DENND5B: variants seen among roughly 807,000 people sequenced by gnomAD.
The protein encoded by DENND5B is DENN domain containing 5B, also known as DENN domain-containing protein 5B.
A neutral mutation model predicts 140.6 loss-of-function variants in DENND5B; 34 were observed. The ratio of observed to expected loss-of-function variants is 0.24; its 90% CI spans 0.18 to 0.32. DENND5B has a LOEUF of 0.32. Ranked by LOEUF, DENND5B falls within the 10% of genes least tolerant of loss-of-function variation. The probability of loss-of-function intolerance (pLI) is 1.00; values close to 1 mark genes in which losing one functional copy is unlikely to be tolerated. For synonymous variants in DENND5B, 551 were observed against 562.1 expected, an observed-to-expected ratio of 0.98 and a Z score of 0.28; for missense variants, 1,142 against 1,560.2, an observed-to-expected ratio of 0.73 and a Z score of 4.52.
At chr12:31,568,220 G>A (rs571889949) in intron 1 of DENND5B, among the ~76,000 whole-genome samples, 3 of 152,338 alleles carry the variant, frequency 2.0e-5, no homozygotes, top group South Asian at 4.1e-4. Context: ...CAGGCTACAT[G>A]AATAAGGTAC....
At chr12:31,508,998 T>G (rs943591165) in intron 1 of DENND5B, among the ~76,000 whole-genome samples, 2 of 152,072 alleles carry the variant, frequency 1.3e-5, no homozygotes, top group African/African-American at 4.8e-5. Flanking sequence ...TCTGCAAAAT[T>G]AACATAAAAC....
rs1019834946 is a variant in DENND5B, at chr12:31,472,017, T to C, written c.904+7572A>G. ...CAAAAGCCACGCAGGACTGGCTTTATGATAATCGGGATATTCACCCGCTGA... is the reference window on the plus strand; with the variant it reads ...CAAAAGCCACGCAGGACTGGCTTTACGATAATCGGGATATTCACCCGCTGA... On this transcript the variant is annotated intron_variant, in intron 3 of 20. Coordinates refer to ENST00000389082, the MANE Select transcript of DENND5B (RefSeq NM_144973.4). Among the ~76,000 whole-genome samples, 4 of 152,276 alleles carry C rather than the reference T, an allele frequency of 2.6e-5. No individual in the cohort carries two copies. The East Asian group carries it at 7.7e-4, about 29-fold the overall frequency.
In DENND5B at chr12:31,451,923, A is replaced by C. The variant is rs191727932; in HGVS notation, c.1629+17T>G. 1.8e-3 allele frequency: 2,850 copies of C among 1,611,998 alleles called. 6 individuals carry two copies. The highest frequency in any genetic ancestry group is 3.5e-3 in the Admixed American group (211 of 59,538). On this transcript the variant is annotated intron_variant, in intron 5 of 20. Transcript: ENST00000389082. The stretch of plus-strand genomic sequence containing the variant: ...AGCCACTAATAACCACAAAAGGAAA[A>C]CTATGGTTCTTTTTACTTTGTCAAA...
chr12:31,431,757 A>G (rs1372036925), intron 8 of DENND5B, among the ~76,000 whole-genome samples: 1 of 152,136 alleles, frequency 6.6e-6, no homozygotes, highest in East Asian at 1.9e-4. Context: ...CTTTGAAGTA[A>G]GGCAATTTGC....
intron 3 of DENND5B, among the ~76,000 whole-genome samples, chr12:31,475,505 T>C (rs188452695): frequency 2.0e-5 from 3 of 152,290 alleles, no homozygotes; most frequent in African/African-American, 7.2e-5. Context: ...CCCTACACTT[T>C]GGGAAGCTGA....
At chr12:31,458,969 T>C (rs1433201793) in intron 4 of DENND5B, among the ~76,000 whole-genome samples, 2 of 152,128 alleles carry the variant, frequency 1.3e-5, no homozygotes, top group African/African-American at 4.8e-5. Flanking sequence ...TCCCAGCATT[T>C]TGGGAGGCCG....
intron 1 of DENND5B, among the ~76,000 whole-genome samples, chr12:31,584,574 G>A (rs945273605): frequency 6.6e-6 from 1 of 152,152 alleles, no homozygotes; most frequent in African/African-American, 2.4e-5. Context: ...AGCACTTTGG[G>A]AGGCCAAGGA....
chr12:31,586,747 C>G (rs142855247), intron 1 of DENND5B, among the ~76,000 whole-genome samples: 8 of 152,228 alleles, frequency 5.3e-5, no homozygotes, highest in African/African-American at 1.4e-4. Flanking sequence ...GTCTATGAAG[C>G]AACTGGTAGA....
At chr12:31,402,910 C>G (rs7966566) in intron 14 of DENND5B, among the ~76,000 whole-genome samples, 28 of 151,994 alleles carry the variant, frequency 1.8e-4, no homozygotes, top group African/African-American at 6.5e-4. Context: ...CAACATTAAA[C>G]GTATGAACAA....
intron 13 of DENND5B, among the ~76,000 whole-genome samples, chr12:31,410,464 G>A (rs1344451399): frequency 1.3e-5 from 2 of 152,144 alleles, no homozygotes; most frequent in African/African-American, 2.4e-5. Flanking sequence ...GGAGTGCAGC[G>A]ATGCAGTAAC....
At position 31,409,340 on chromosome 12, in the gene DENND5B, C is replaced by T. The variant is rs1239250070; in HGVS notation, c.2726G>A (p.Arg909Lys). The change falls in exon 14 of 21, where the codon AGA becomes AAA. Residue 909 changes from arginine to lysine, a missense_variant. Physicochemically the swap from Arg to Lys is conservative, Grantham distance 26 (BLOSUM62 2). Around this residue, in one of 5 missense-constraint regions of DENND5B, gnomAD observed 268 missense variants for 349.2 expected, o/e 0.77. Coordinates refer to ENST00000389082, the MANE Select transcript of DENND5B (RefSeq NM_144973.4). ...AAGAAGGTGGTAAAGAAACTGCTCT[C>T]TTTCTTCTTCGCAACGTAGAAAAGC... is the stretch of plus-strand genomic sequence containing the variant. ...RYAFLRCEEE[R>K]EQFLYHLLSL... is the part of the protein sequence containing the mutation. The T allele has an allele frequency of 1.3e-6, 2 of 1,562,852 alleles. No homozygotes were observed. Among genetic ancestry groups the T allele is most frequent in the East Asian group, 2.4e-5 (1 of 42,426 alleles).
chr12:31,384,041 A>G lies in DENND5B; in HGVS notation c.*3562T>C, dbSNP rs1022222099. 1 of 152,226 alleles carries G rather than the reference A, an allele frequency of 6.6e-6. No individual in the cohort carries two copies. The highest frequency in any genetic ancestry group is 1.5e-5 in the Non-Finnish European group (1 of 68,044). The allele number at this position is 152,226 out of a possible 1,614,324, so 9.4% of individuals were successfully genotyped here. ...CAATGTATTAATTTAAAAAATTACC[A>G]CAGCAGAAAAGATGCCTCTATGTGG... On this transcript the variant is annotated 3_prime_UTR_variant, in exon 21 of 21. Coordinates refer to ENST00000389082, the MANE Select transcript of DENND5B (RefSeq NM_144973.4).
chr12:31,416,280 A>T (rs2137605371), intron 11 of DENND5B, among the ~76,000 whole-genome samples: 1 of 151,554 alleles, frequency 6.6e-6, no homozygotes, highest in Admixed American at 6.6e-5. Context: ...TTTTTTAAAT[A>T]TAGTCTTGCT....
chr12:31,507,143 G>C (rs1265814013), intron 1 of DENND5B, among the ~76,000 whole-genome samples: 1 of 151,930 alleles, frequency 6.6e-6, no homozygotes, highest in Non-Finnish European at 1.5e-5. Flanking sequence ...CCAAGGGTTT[G>C]AGAAGTTCAG....
At chr12:31,512,322 CCCTCCCACCTCAG>C (rs2138925676) in intron 1 of DENND5B, among the ~76,000 whole-genome samples, 1 of 150,544 alleles carries the variant, frequency 6.6e-6, no homozygotes, top group East Asian at 2.0e-4. Flanking sequence ...TGTCAAGCGA[CCCTCCCACCTCAG>C]CCTCCAGAGT....
At chr12:31,513,312 G>T (rs1033646426) in intron 1 of DENND5B, among the ~76,000 whole-genome samples, 6 of 152,132 alleles carry the variant, frequency 3.9e-5, no homozygotes, top group Non-Finnish European at 8.8e-5. Flanking sequence ...CCACAGAAAA[G>T]TTCTTTTTTC....
intron 1 of DENND5B, 36 bp downstream of exon 1, chr12:31,590,668 CCT>C: frequency 1.4e-6 from 2 of 1,440,306 alleles, no homozygotes; most frequent in African/African-American, 1.5e-5. Context: ...CCCCCGCGCC[CCT>C]GAGGGGGCTC....
chr12:31,470,017 TGGCTCACTGCAGCCTCTAACTCCTG>T (rs537988176), intron 3 of DENND5B, among the ~76,000 whole-genome samples: 2 of 151,852 alleles, frequency 1.3e-5, no homozygotes, highest in East Asian at 3.9e-4. Context: ...GACATAATAA[TGGCTCACTGCAGCCTCTAACTCCTG>T]GGCTCAGGTG....
intron 1 of DENND5B, among the ~76,000 whole-genome samples, chr12:31,562,853 T>C (rs1397833510): frequency 6.6e-6 from 1 of 152,110 alleles, no homozygotes; most frequent in African/African-American, 2.4e-5. Context: ...TCCTAACACA[T>C]GGGAACAAAA....
Sources: gnomAD v4.1 joint callset for allele counts (sites outside exome capture counted in the v4.1 genomes callset) on GRCh38, gnomAD v4.1.1 for gene constraint, gnomAD v4.1.1 regional missense constraint, MANE v1.5 for transcripts, NCBI Gene and HGNC (gene_info 2026-07-23, HGNC 2026-07-21) for gene names.